RBM28: variants seen among roughly 807,000 people sequenced by gnomAD.
The protein encoded by RBM28 is RNA-binding protein 28.
A neutral mutation model predicts 98.3 loss-of-function variants in RBM28; 78 were observed. That is an observed-to-expected ratio of 0.79 (90% CI 0.66 to 0.96). The LOEUF is 0.96. RBM28 is among the 40% of genes least tolerant of loss of function. The pLI is 0.00. For missense variants in RBM28, 838 were observed against 913.0 expected (o/e 0.92, Z 1.06); for synonymous variants, 306 against 330.9 (o/e 0.92, Z 0.82).
At chr7:128,327,176 T>C (rs557063767) in intron 10 of RBM28, among the ~76,000 whole-genome samples, 5 of 151,994 alleles carry the variant, frequency 3.3e-5, no homozygotes, top group African/African-American at 4.8e-5. Context: ...CCACATGAAA[T>C]GGTAGAGAAA....
At chr7:128,323,956 C>T (rs1028108810) in intron 12 of RBM28, among the ~76,000 whole-genome samples, 2 of 152,176 alleles carry the variant, frequency 1.3e-5, no homozygotes, top group African/African-American at 4.8e-5. Context: ...GCCCTTGGAA[C>T]TTAACTTTGC....
At chr7:128,321,232 T>C (rs751511330) in intron 14 of RBM28, 34 bp downstream of exon 14, 5 of 1,613,460 alleles carry the variant, frequency 3.1e-6, no homozygotes, top group Non-Finnish European at 4.2e-6. Context: ...AAGATCAGAA[T>C]GAAAGCTCCA....
At position 128,321,378 on chromosome 7, in the gene RBM28, A is replaced by C; in HGVS notation, c.1451T>G (p.Val484Gly). 1 of 1,614,192 alleles carries C rather than the reference A, an allele frequency of 6.2e-7. No homozygotes were observed. The highest frequency in any genetic ancestry group is 8.5e-7 in the Non-Finnish European group (1 of 1,180,028). ...GTGCAGGCAGAGCCTGGTTCGGGAG[A>C]CAAAGATATTCTGGTCCTTGAGTTT... is the stretch of plus-strand genomic sequence containing the variant. Reference protein sequence around the residue: ...HQKLKDQNIFVSRTRLCLHNL... With the variant: ...HQKLKDQNIFGSRTRLCLHNL... Residue 484 changes from valine (V) to glycine (G), a missense_variant, in exon 14 of 19, where the codon GTC becomes GGC. Coordinates refer to ENST00000223073, the MANE Select transcript of RBM28 (RefSeq NM_018077.3).
At chr7:128,324,908 G>A (rs148054301) in intron 11 of RBM28, among the ~76,000 whole-genome samples, 3,571 of 152,218 alleles carry the variant, frequency 0.023, 135 homozygotes, top group African/African-American at 0.08. Flanking sequence ...TACTCAGGAG[G>A]CTGAGGCAGG....
intron 1 of RBM28, among the ~76,000 whole-genome samples, chr7:128,341,897 G>T (rs1396739278): frequency 6.6e-6 from 1 of 152,164 alleles, no homozygotes; most frequent in Non-Finnish European, 1.5e-5. Context: ...TAGGCCAGGC[G>T]TGGTGGCACA....
chr7:128,317,540 G>A (rs1015244477), intron 16 of RBM28, 119 bp downstream of exon 16: 9 of 760,210 alleles, frequency 1.2e-5, no homozygotes, highest in Non-Finnish European at 1.4e-5. Flanking sequence ...GGGAGTAAAG[G>A]GAACTAGGAG....
chr7:128,324,053 AG>A (rs1377625253), intron 12 of RBM28, among the ~76,000 whole-genome samples: 1 of 152,244 alleles, frequency 6.6e-6, no homozygotes, highest in Non-Finnish European at 1.5e-5. Context: ...CTGGTGTCGA[AG>A]GCTAAAGGAC....
chr7:128,343,587 G>T, intron 1 of RBM28, 89 bp downstream of exon 1: 1 of 912,562 alleles, frequency 1.1e-6, no homozygotes, highest in Non-Finnish European at 1.7e-6. Context: ...CTTCGGGGAG[G>T]GTAAAGAATG....
chr7:128,335,843 T>C lies in RBM28; in HGVS notation c.809+4A>G. ...GCTGTCTCAGAACAGGATGAGCTGC[T>C]TACCTCTTCTGAATTTGCACAGGCT... is the stretch of plus-strand genomic sequence containing the variant. On this transcript the variant is annotated splice_donor_region_variant and intron_variant, in intron 7 of 18. Coordinates refer to ENST00000223073, the MANE Select transcript of RBM28 (RefSeq NM_018077.3). 1.2e-6 allele frequency: 2 copies of C among 1,614,152 alleles called. No homozygotes were observed. Among genetic ancestry groups the C allele is most frequent in the Non-Finnish European group, 1.7e-6 (2 of 1,180,038 alleles).
intron 18 of RBM28, among the ~76,000 whole-genome samples, chr7:128,312,111 ACT>A (rs1795997549): frequency 6.6e-6 from 1 of 152,124 alleles, no homozygotes; most frequent in African/African-American, 2.4e-5. Context: ...CCTATGAAAT[ACT>A]CTCTTCAAGA....
At chr7:128,335,343 C>T (rs999914954) in intron 8 of RBM28, among the ~76,000 whole-genome samples, 200 bp downstream of exon 8, 1 of 151,974 alleles carries the variant, frequency 6.6e-6, no homozygotes, top group African/African-American at 2.4e-5. Context: ...ACTTAAAAAA[C>T]AAAACAAACA....
At chr7:128,339,583 G>A in intron 2 of RBM28, 50 bp downstream of exon 2, 1 of 1,579,214 alleles carries the variant, frequency 6.3e-7, no homozygotes, top group Non-Finnish European at 8.7e-7. Context: ...TTTTCATAGT[G>A]CTCCTCCTCA....
rs1795727334 is a variant in RBM28, at chr7:128,297,862, T to C, written c.*12935A>G. ...GGGACACGGATGAAATTGAAAATCA[T>C]CATTCTCAGTAAACTATCGCAAGAA... On this transcript the variant is annotated 3_prime_UTR_variant, in exon 19 of 19. Coordinates refer to ENST00000223073, the MANE Select transcript of RBM28 (RefSeq NM_018077.3). 6.6e-6 allele frequency: 1 copy of C among 151,084 alleles called. No homozygotes were observed. Among genetic ancestry groups the C allele is most frequent in the Non-Finnish European group, 1.5e-5 (1 of 67,844 alleles). The allele number at this position is 151,084 out of a possible 1,614,324, so 9.4% of individuals were successfully genotyped here. A position where few individuals can be genotyped will look rare whatever the true frequency, so the allele number is the denominator to read the frequency against.
chr7:128,300,109 C>A lies in RBM28; in HGVS notation c.*10688G>T, dbSNP rs1272740648. ...CCCTCCTGACTAATATAGGCCCTTTCTCAACTTTCCCTAGAAGCCCAGGTT... is the reference window on the plus strand; with the variant it reads ...CCCTCCTGACTAATATAGGCCCTTTATCAACTTTCCCTAGAAGCCCAGGTT... On this transcript the variant is annotated 3_prime_UTR_variant, in exon 19 of 19. Transcript: ENST00000223073. 1 of 152,256 alleles carries A rather than the reference C, an allele frequency of 6.6e-6. No individual in the cohort carries two copies. The highest frequency in any genetic ancestry group is 1.5e-5 in the Non-Finnish European group (1 of 68,058). 9.4% of individuals were successfully genotyped at this position (152,256 alleles called of 1,614,324 possible). A position where few individuals can be genotyped will look rare whatever the true frequency, so the allele number is the denominator to read the frequency against.
At position 128,310,065 on chromosome 7, in the gene RBM28, A is replaced by T. The variant is rs1341421212; in HGVS notation, c.*732T>A. On this transcript the variant is annotated 3_prime_UTR_variant, in exon 19 of 19. Transcript: ENST00000223073. ...TGAGGATCAAGTGTCCTCATTAAGG[A>T]GGACTTAGAGAGCTAGTGGATACGA... is the stretch of plus-strand genomic sequence containing the variant. The T allele has an allele frequency of 6.6e-6, 1 of 152,498 alleles. No homozygotes were observed. Among genetic ancestry groups the T allele is most frequent in the Non-Finnish European group, 1.5e-5 (1 of 68,282 alleles). The allele number at this position is 152,498 out of a possible 1,614,324, so 9.4% of individuals were successfully genotyped here. A position where few individuals can be genotyped will look rare whatever the true frequency, so the allele number is the denominator to read the frequency against.
At chr7:128,340,103 C>T (rs1796692172) in intron 1 of RBM28, among the ~76,000 whole-genome samples, 1 of 152,058 alleles carries the variant, frequency 6.6e-6, no homozygotes, top group Non-Finnish European at 1.5e-5. Flanking sequence ...ATATGAGGCC[C>T]TCAAAGAACT....
chr7:128,310,568 G>A lies in RBM28; in HGVS notation c.*229C>T. The A allele has an allele frequency of 1.7e-6, 1 of 578,550 alleles. No homozygotes were observed. 35.8% of individuals were successfully genotyped at this position (578,550 alleles called of 1,614,324 possible). On this transcript the variant is annotated 3_prime_UTR_variant, in exon 19 of 19. Coordinates refer to ENST00000223073, the MANE Select transcript of RBM28 (RefSeq NM_018077.3). ...CTTCATACAATAATCTGGATAATAT[G>A]CAAGAAGCATCATGTTGACTTTCAG...
intron 15 of RBM28, 93 bp downstream of exon 15, chr7:128,317,864 C>G: frequency 6.3e-7 from 1 of 1,575,668 alleles, no homozygotes; most frequent in South Asian, 1.1e-5. Flanking sequence ...TTTCCCACCC[C>G]TCAAATGTCA....
chr7:128,315,109 G>C, intron 16 of RBM28, 89 bp from the exon 17 acceptor site: 1 of 1,554,438 alleles, frequency 6.4e-7, no homozygotes, highest in African/African-American at 1.4e-5. Context: ...ATGTGAGCTA[G>C]ATGAAAGAAG....
Sources: allele counts gnomAD v4.1 joint callset (sites outside exome capture counted in the v4.1 genomes callset), GRCh38; gene constraint gnomAD v4.1.1; transcripts MANE v1.5; gene names NCBI Gene and HGNC (gene_info 2026-07-23, HGNC 2026-07-21).